ZNF185: variants seen among roughly 807,000 people sequenced by gnomAD.
The protein encoded by ZNF185 is zinc finger protein 185 with LIM domain.
Under a neutral mutation model 58.6 loss-of-function variants are expected in ZNF185, and 56 were observed. The observed-to-expected ratio is 0.95, with a 90% CI of 0.77 to 1.19. The LOEUF (loss-of-function observed/expected upper bound fraction) is 1.19, where lower values mean the gene tolerates loss of function less well. Ranked by LOEUF, ZNF185 falls within the 50% of genes most tolerant of loss-of-function variation. ZNF185 has a pLI of 0.00. For missense variants in ZNF185, 627 were observed against 573.5 expected, an observed-to-expected ratio of 1.09 and a Z score of -0.95; for synonymous variants, 230 against 215.9, an observed-to-expected ratio of 1.07 and a Z score of -0.57.
chrX:152,918,983 G>A (rs1556867908), exon 7 of ZNF185: 1 of 1,206,933 alleles, frequency 8.3e-7, no homozygotes, highest in East Asian at 3.0e-5. Context: ...CCTCTCTTAG[G>A]GCACCCTACA....
At chrX:152,920,734 G>T (rs1205325568) in exon 9 of ZNF185, 3 of 1,211,866 alleles carry the variant, frequency 2.5e-6, no homozygotes, top group Middle Eastern at 2.3e-4. Flanking sequence ...CACAGGCACC[G>T]TTTATCGCGA....
intron 16 of ZNF185, among the ~76,000 whole-genome samples, chrX:152,950,932 TA>T (rs1164380087): frequency 8.9e-6 from 1 of 111,918 alleles, no homozygotes; most frequent in African/African-American, 3.2e-5. Context: ...GAAAAGACTT[TA>T]AAAAAATAAC....
chrX:152,935,238 C>CTT (rs61588750), intron 14 of ZNF185, among the ~76,000 whole-genome samples: 1,603 of 97,211 alleles, frequency 0.016, 40 homozygotes, highest in African/African-American at 0.045. Flanking sequence ...ATTGTTTTTC[C>CTT]TTTTTTTTTT....
chrX:152,922,998 C>A (rs1321677412), intron 11 of ZNF185, among the ~76,000 whole-genome samples, 189 bp downstream of exon 12: 2 of 112,478 alleles, frequency 1.8e-5, no homozygotes, highest in African/African-American at 6.5e-5. Context: ...AGAATCTGGG[C>A]AGATAATGGT....
chrX:152,937,988 G>C (rs2046548260), intron 14 of ZNF185, 86 bp from the exon 17 acceptor site: 2 of 919,040 alleles, frequency 2.2e-6, no homozygotes, highest in Non-Finnish European at 3.0e-6. Flanking sequence ...CTCCCTTTCT[G>C]GTGAGAAGGC....
upstream of ZNF185, among the ~76,000 whole-genome samples, chrX:152,910,573 G>T (rs1354505296): frequency 2.7e-5 from 3 of 112,222 alleles, no homozygotes; most frequent in Non-Finnish European, 5.6e-5. Flanking sequence ...TGAATGGATA[G>T]ATTACAATAT....
intron 11 of ZNF185, among the ~76,000 whole-genome samples, chrX:152,923,849 C>T (rs1414302400): frequency 2.7e-5 from 3 of 111,940 alleles, no homozygotes; most frequent in Admixed American, 9.5e-5. Context: ...TGGTACTGAT[C>T]CTCAGGCTGG....
chrX:152,957,481 G>A (rs1431979556), intron 16 of ZNF185, among the ~76,000 whole-genome samples: 2 of 112,139 alleles, frequency 1.8e-5, no homozygotes, highest in African/African-American at 3.2e-5. Flanking sequence ...TTAATTTTGA[G>A]CTTGCAAAGG....
chrX:152,929,622 A>T (rs1941574547), intron 12 of ZNF185, among the ~76,000 whole-genome samples: 1 of 111,330 alleles, frequency 9.0e-6, no homozygotes, highest in Non-Finnish European at 1.9e-5. Context: ...TGTCCACTTT[A>T]TTTTAGAGAT....
At chrX:152,965,192 A>G (rs1046583453) in intron 18 of ZNF185, among the ~76,000 whole-genome samples, 5 of 112,445 alleles carry the variant, frequency 4.4e-5, no homozygotes, top group African/African-American at 9.7e-5. Context: ...GGAGGAGGAC[A>G]GCACATTGTC....
At chrX:152,943,000 A>G (rs1275052122) in intron 15 of ZNF185, among the ~76,000 whole-genome samples, 2 of 111,625 alleles carry the variant, frequency 1.8e-5, no homozygotes, top group Non-Finnish European at 3.8e-5. Flanking sequence ...TATGATGTAT[A>G]TCTCATATAT....
intron 16 of ZNF185, among the ~76,000 whole-genome samples, chrX:152,954,670 C>T (rs2048636297): frequency 8.9e-6 from 1 of 112,121 alleles, no homozygotes. Flanking sequence ...TCTGTATCTC[C>T]CCCTGTGTTG....
At chrX:152,941,048 T>C (rs782532986) in intron 15 of ZNF185, among the ~76,000 whole-genome samples, 18 of 112,523 alleles carry the variant, frequency 1.6e-4, no homozygotes, top group South Asian at 7.3e-4. Context: ...TTCATTCAGC[T>C]GGGGAGCTTA....
At position 152,928,565 on chromosome X, in the gene ZNF185, T is replaced by C. The variant is rs782521377; in HGVS notation, c.831-10T>C. On this transcript the variant is annotated splice_polypyrimidine_tract_variant and intron_variant, in intron 11 of 22. Coordinates refer to ENST00000449285, the Ensembl canonical transcript of ZNF185. The stretch of plus-strand genomic sequence containing the variant: ...CCTGCAACCCACTGGGTCTCTCCTT[T>C]GGCCCGCAGCTCAAGAGGTGAGGAA... 6.6e-6 allele frequency: 8 copies of C among 1,210,252 alleles called. No homozygotes were observed. In the South Asian group the frequency reaches 1.2e-4, roughly 19 times the overall value.
intron 11 of ZNF185, among the ~76,000 whole-genome samples, chrX:152,928,297 G>A (rs1603231791): frequency 1.8e-5 from 2 of 112,311 alleles, no homozygotes; most frequent in Non-Finnish European, 3.8e-5. Flanking sequence ...CAAATGGTTG[G>A]TAGAAGCACG....
At chrX:152,953,715 A>G (rs2048513776) in intron 16 of ZNF185, among the ~76,000 whole-genome samples, 1 of 111,017 alleles carries the variant, frequency 9.0e-6, no homozygotes, top group African/African-American at 3.3e-5. Context: ...AAAAACAAAT[A>G]TGGATTTAGA....
chrX:152,959,230 C>T (rs1199434881), intron 16 of ZNF185, among the ~76,000 whole-genome samples: 1 of 111,965 alleles, frequency 8.9e-6, no homozygotes, highest in Non-Finnish European at 1.9e-5. Context: ...CCCTACCGAG[C>T]CCTCCAGGGT....
intron 16 of ZNF185, among the ~76,000 whole-genome samples, chrX:152,952,441 A>G (rs145158613): frequency 0.022 from 2,466 of 112,363 alleles, 64 homozygotes; most frequent in African/African-American, 0.074. Context: ...TTGTAAATTA[A>G]TTTGGTAATG....
intron 3 of ZNF185, among the ~76,000 whole-genome samples, 186 bp from the exon 5 acceptor site, chrX:152,916,945 A>G (rs1556866098): frequency 8.9e-6 from 1 of 112,804 alleles, no homozygotes; most frequent in African/African-American, 3.2e-5. Context: ...TGAGGGAAAT[A>G]GGCAGAGCAT....
Sources: gnomAD v4.1 joint callset for allele counts (sites outside exome capture counted in the v4.1 genomes callset) on GRCh38, gnomAD v4.1.1 for gene constraint, MANE v1.5 for transcripts, NCBI Gene and HGNC (gene_info 2026-07-23, HGNC 2026-07-21) for gene names.